Variants in DYM observed in about 807,000 individuals in gnomAD.
The protein encoded by DYM is dymeclin, also known as dyggve-Melchior-Clausen syndrome protein.
In DYM, 78 loss-of-function variants were observed where a neutral mutation model predicts 93.1. That is an observed-to-expected ratio of 0.84 (90% CI 0.70 to 1.01). The LOEUF is 1.01. Ranked by LOEUF, DYM falls within the 50% of genes least tolerant of loss-of-function variation. The pLI, the probability that DYM is intolerant of heterozygous loss-of-function variation, is 0.00. For synonymous variants in DYM, 321 were observed against 319.7 expected (o/e 1.00, Z -0.04); for missense variants, 789 against 845.0 (o/e 0.93, Z 0.82).
chr18:49,210,004 T>C (rs1023640256), intron 13 of DYM, among the ~76,000 whole-genome samples: 5 of 152,112 alleles, frequency 3.3e-5, no homozygotes, highest in Non-Finnish European at 7.3e-5. Flanking sequence ...ATTCAAACAA[T>C]GAGACACCAC....
At chr18:49,346,641 A>C (rs1023064139) in intron 6 of DYM, among the ~76,000 whole-genome samples, 1 of 152,222 alleles carries the variant, frequency 6.6e-6, no homozygotes, top group Non-Finnish European at 1.5e-5. Context: ...TTAGTATTTA[A>C]AATATACCTC....
chr18:49,170,606 C>G (rs1319349679), intron 14 of DYM, among the ~76,000 whole-genome samples: 2 of 151,226 alleles, frequency 1.3e-5, no homozygotes, highest in Admixed American at 6.6e-5. Flanking sequence ...ATGGTGAAAC[C>G]CCATCTCTAA....
chr18:49,278,236 T>C (rs111248023), intron 10 of DYM, among the ~76,000 whole-genome samples: 14 of 152,190 alleles, frequency 9.2e-5, no homozygotes, highest in African/African-American at 2.7e-4. Context: ...TAAATATTAA[T>C]CTCATTTTCT....
At chr18:49,225,965 T>G (rs186916334) in intron 13 of DYM, among the ~76,000 whole-genome samples, 8 of 152,218 alleles carry the variant, frequency 5.3e-5, no homozygotes, top group African/African-American at 1.9e-4. Flanking sequence ...AAAATCATAT[T>G]ATCTCTTAGG....
chr18:49,423,823 T>C (rs1223416567), intron 2 of DYM, among the ~76,000 whole-genome samples: 1 of 152,104 alleles, frequency 6.6e-6, no homozygotes, highest in Non-Finnish European at 1.5e-5. Context: ...CCTGGACACA[T>C]ACACCCTCCC....
Position 49,216,205 on chromosome 18 carries a change from G to A in DYM, c.1461-6490C>T, listed in dbSNP as rs529347040. ...GTGGCAGCGAGGCTGGGGGAGGGGC[G>A]CCCGCCATTGCCCAGGCTTTCTTAG... On this transcript the variant is annotated intron_variant, in intron 13 of 17. Coordinates refer to ENST00000675505, the MANE Select transcript of DYM (RefSeq NM_001353214.3). 1.3e-4 allele frequency among the ~76,000 whole-genome samples: 20 copies of A among 152,294 alleles called. No homozygotes were observed. In the South Asian group the frequency reaches 2.1e-3, roughly 16 times the overall value.
intron 15 of DYM, among the ~76,000 whole-genome samples, chr18:49,129,225 A>G (rs73441534): frequency 0.11 from 16,101 of 152,128 alleles, 1,123 homozygotes; most frequent in East Asian, 0.25. Context: ...TCACTTTCAC[A>G]GGCCTCATTT....
At chr18:49,282,710 A>G (rs1308290510) in intron 9 of DYM, among the ~76,000 whole-genome samples, 1 of 152,242 alleles carries the variant, frequency 6.6e-6, no homozygotes, top group African/African-American at 2.4e-5. Flanking sequence ...GAAATAAATC[A>G]GCTATAAGAA....
intron 8 of DYM, among the ~76,000 whole-genome samples, chr18:49,320,831 ATATT>A (rs2062423681): frequency 1.3e-5 from 2 of 152,290 alleles, no homozygotes; most frequent in East Asian, 3.9e-4. Context: ...TTCGAAAAAA[ATATT>A]TATGTAATTA....
intron 8 of DYM, chr18:49,321,481 A>G: frequency 2.5e-6 from 1 of 396,436 alleles, no homozygotes; most frequent in African/African-American, 2.1e-5. Flanking sequence ...AGAAAAAAAG[A>G]TAACAAAGCT....
chr18:49,298,449 C>T (rs548332219), intron 8 of DYM, among the ~76,000 whole-genome samples: 4 of 151,860 alleles, frequency 2.6e-5, no homozygotes, highest in South Asian at 2.1e-4. Context: ...GGCCTGGTGG[C>T]GGGCACCTGT....
intron 5 of DYM, among the ~76,000 whole-genome samples, chr18:49,370,491 G>A (rs1254409355): frequency 6.6e-6 from 1 of 152,060 alleles, no homozygotes; most frequent in Non-Finnish European, 1.5e-5. Flanking sequence ...CTATAGGCGG[G>A]TTCAGTGGCT....
At chr18:49,149,261 C>T (rs1337395965) in intron 15 of DYM, among the ~76,000 whole-genome samples, 1 of 152,018 alleles carries the variant, frequency 6.6e-6, no homozygotes, top group Non-Finnish European at 1.5e-5. Flanking sequence ...ACTTGCCCGC[C>T]GCTCACCTCC....
chr18:49,173,231 T>G (rs567902647), intron 14 of DYM, among the ~76,000 whole-genome samples: 24 of 152,272 alleles, frequency 1.6e-4, no homozygotes, highest in African/African-American at 5.8e-4. Context: ...TTATAGTAAA[T>G]CTTGAAATCA....
rs376033805 is a variant in DYM at position 49,387,456 on chromosome 18, TG to T, written c.193+4136del. 1.3e-4 allele frequency among the ~76,000 whole-genome samples: 20 copies of T among 152,014 alleles called. No homozygotes were observed. The South Asian group carries it at 4.2e-3, about 32-fold the overall frequency. ...CATGCCCAGTTAATTTTTGTATTTTTGTAGAGATAGGGTTTCACTGTGTTGG... is the reference window on the plus strand; with the variant it reads ...CATGCCCAGTTAATTTTTGTATTTTTTAGAGATAGGGTTTCACTGTGTTGG... On this transcript the variant is annotated intron_variant, in intron 3 of 17. Transcript: ENST00000675505.
chr18:49,244,809 G>A (rs1054710795), intron 13 of DYM, among the ~76,000 whole-genome samples: 5 of 152,110 alleles, frequency 3.3e-5, no homozygotes, highest in African/African-American at 1.2e-4. Context: ...CTCAATTCAA[G>A]TATCAGAATT....
At chr18:49,318,317 C>G (rs908628595) in intron 8 of DYM, among the ~76,000 whole-genome samples, 2 of 152,124 alleles carry the variant, frequency 1.3e-5, no homozygotes, top group African/African-American at 2.4e-5. Flanking sequence ...GAGAACAAAC[C>G]AGGTCTAGAA....
intron 2 of DYM, among the ~76,000 whole-genome samples, chr18:49,426,366 G>A (rs575410094): frequency 7.7e-4 from 104 of 135,574 alleles, no homozygotes; most frequent in African/African-American, 2.9e-3. Context: ...TGGACACAGG[G>A]TGGGGAACAT....
intron 1 of DYM, among the ~76,000 whole-genome samples, chr18:49,452,405 G>A (rs2082598001): frequency 6.6e-6 from 1 of 151,946 alleles, no homozygotes; most frequent in Non-Finnish European, 1.5e-5. Flanking sequence ...CCCTTATCTG[G>A]CCCCACCCAC....
Sources: gnomAD v4.1 joint callset for allele counts (sites outside exome capture counted in the v4.1 genomes callset) on GRCh38, gnomAD v4.1.1 for gene constraint, MANE v1.5 for transcripts, NCBI Gene and HGNC (gene_info 2026-07-23, HGNC 2026-07-21) for gene names.